DYNC1H1: variants seen among roughly 807,000 people sequenced by gnomAD.
DYNC1H1 encodes the protein dynein cytoplasmic 1 heavy chain 1.
Under a neutral mutation model 527.1 loss-of-function variants are expected in DYNC1H1, and 51 were observed. That is an observed-to-expected ratio of 0.10 (90% CI 0.08 to 0.12). The LOEUF (loss-of-function observed/expected upper bound fraction) is 0.12, where lower values mean the gene tolerates loss of function less well. Among genes scored for constraint, DYNC1H1 ranks in the 10% least tolerant of loss-of-function variants. The probability of loss-of-function intolerance (pLI) is 1.00; values close to 1 mark genes in which losing one functional copy is unlikely to be tolerated. For missense variants in DYNC1H1, 2,771 were observed against 5,971.8 expected, an observed-to-expected ratio of 0.46 and a Z score of 17.66; for synonymous variants, 2,189 against 2,278.8, an observed-to-expected ratio of 0.96 and a Z score of 1.12.
At position 102,002,348 on chromosome 14, in the gene DYNC1H1, T is replaced by G. The variant is rs1022893426; in HGVS notation, c.4543-189T>G. 6.6e-6 allele frequency among the ~76,000 whole-genome samples: 1 copy of G among 151,950 alleles called. No individual in the cohort carries two copies. The highest frequency in any genetic ancestry group is 1.5e-5 in the Non-Finnish European group (1 of 67,990). ...CTGGTCTCAAACTTCTGACTTCAAG[T>G]GATCCACCCGCCTCGGCCTCCCAAA... On this transcript the variant is annotated intron_variant, in intron 21 of 77. Transcript: ENST00000360184. The surrounding 1 kb of genome is among the most constrained non-coding windows in gnomAD (Gnocchi z 4.4).
In DYNC1H1 at chr14:102,041,232, G is replaced by A. The variant is rs1051551101; in HGVS notation, c.11942-342G>A. The A allele has an allele frequency of 1.0e-5, 4 of 396,472 alleles. No individual in the cohort carries two copies. Among genetic ancestry groups the A allele is most frequent in the African/African-American group, 2.1e-5 (1 of 48,556 alleles). The allele number at this position is 396,472 out of a possible 1,614,324, so 24.6% of individuals were successfully genotyped here. On this transcript the variant is annotated intron_variant, in intron 64 of 77. Transcript: ENST00000360184. The surrounding 1 kb of genome is among the most constrained non-coding windows in gnomAD (Gnocchi z 4.5). ...TTAGGCCAGACCCTGGGCTAGCCAG[G>A]CTGAGAGGAAGTGTCAGACTGTGGA...
rs752530701 is a variant in DYNC1H1, at chr14:102,039,576, C to A, written c.11595+30C>A. On this transcript the variant is annotated intron_variant, in intron 61 of 77. Transcript: ENST00000360184. This position sits in a 1 kb window ranked among gnomAD's most constrained non-coding sequence, Gnocchi z 7.0. ...AGTGAGGTCCTCAGCCGCTCCCTGG[C>A]GGGGGGGAAGCAGGGTGCTGCTTCT... 3 of 1,614,106 alleles carry A rather than the reference C, an allele frequency of 1.9e-6. No individual in the cohort carries two copies. The highest frequency in any genetic ancestry group is 2.2e-5 in the East Asian group (1 of 44,882).
intron 29 of DYNC1H1, chr14:102,009,519 T>G (rs76960813): frequency 3.3e-6 from 1 of 303,420 alleles, no homozygotes; most frequent in African/African-American, 2.3e-5. Flanking sequence ...TTTTTTTTTT[T>G]GCACAATTTG....
In DYNC1H1 at chr14:102,038,196, C is replaced by A; in HGVS notation, c.10909-264C>A. On this transcript the variant is annotated intron_variant, in intron 57 of 77. Transcript: ENST00000360184. The surrounding 1 kb of genome is among the most constrained non-coding windows in gnomAD (Gnocchi z 7.2). The stretch of plus-strand genomic sequence containing the variant: ...GTTTCACCATGTTGGCCAGTCTGGT[C>A]TCGAACTCCTGACCTCAAGTGATCT... 1 of 482,028 alleles carries A rather than the reference C, an allele frequency of 2.1e-6. No homozygotes were observed. Among genetic ancestry groups the A allele is most frequent in the Non-Finnish European group, 3.8e-6 (1 of 261,498 alleles). The allele number at this position is 482,028 out of a possible 1,614,324, so 29.9% of individuals were successfully genotyped here. A position where few individuals can be genotyped will look rare whatever the true frequency, so the allele number is the denominator to read the frequency against.
chr14:101,974,839 G>A (rs1426661236), intron 1 of DYNC1H1, among the ~76,000 whole-genome samples: 1 of 152,210 alleles, frequency 6.6e-6, no homozygotes, highest in Non-Finnish European at 1.5e-5. Context: ...GCCTCCGTAA[G>A]CTTTTGAAAG....
At chr14:101,969,449 C>T (rs1847805436) in intron 1 of DYNC1H1, 1 of 153,972 alleles carries the variant, frequency 6.5e-6, no homozygotes, top group African/African-American at 2.4e-5. Flanking sequence ...CTAGTTTCTT[C>T]TAGGGCACCC....
chr14:101,987,361 G>C, intron 8 of DYNC1H1, 92 bp from the exon 9 acceptor site: 4 of 1,376,988 alleles, frequency 2.9e-6, no homozygotes, highest in Non-Finnish European at 4.0e-6. Flanking sequence ...TGGAGCATTT[G>C]TCAATGTATA....
chr14:102,018,620 C>G lies in DYNC1H1; in HGVS notation c.8343+4C>G, dbSNP rs771447934. 1.9e-6 allele frequency: 3 copies of G among 1,613,436 alleles called. No homozygotes were observed. The South Asian group carries it at 3.3e-5, about 18-fold the overall frequency. On this transcript the variant is annotated splice_donor_region_variant and intron_variant, in intron 41 of 77. Transcript: ENST00000360184. The surrounding 1 kb of genome is among the most constrained non-coding windows in gnomAD (Gnocchi z 5.2). ...GGAGTTCTACACCATGTCTCAGGTACGCAGAGTTTCTTTGCTCTTCCAGAA... is the reference window on the plus strand; with the variant it reads ...GGAGTTCTACACCATGTCTCAGGTAGGCAGAGTTTCTTTGCTCTTCCAGAA...
intron 72 of DYNC1H1, 39 bp from the exon 73 acceptor site, chr14:102,047,778 C>T: frequency 6.2e-7 from 1 of 1,611,152 alleles, no homozygotes. Flanking sequence ...TGCCCGTCCC[C>T]TCCCTCCTTC....
chr14:102,007,952 A>T (rs1595612827), intron 28 of DYNC1H1, among the ~76,000 whole-genome samples: 1 of 152,126 alleles, frequency 6.6e-6, no homozygotes, highest in Non-Finnish European at 1.5e-5. Context: ...ATGCAGGGAG[A>T]GCGCTCTGGT....
chr14:101,989,393 G>A (rs943983722), intron 10 of DYNC1H1, among the ~76,000 whole-genome samples: 3 of 152,192 alleles, frequency 2.0e-5, no homozygotes, highest in South Asian at 2.1e-4. Context: ...GCCACCACAC[G>A]GAGTAGTAGT....
intron 56 of DYNC1H1, chr14:102,035,025 T>C (rs1423784751): frequency 2.7e-5 from 5 of 185,878 alleles, no homozygotes; most frequent in Non-Finnish European, 4.5e-5. Context: ...AGTCAGGAGT[T>C]TGAGACCAGC....
Position 102,016,910 on chromosome 14 carries a change from G to A in DYNC1H1, c.7759G>A (p.Glu2587Lys), listed in dbSNP as rs147684971. 6.2e-7 allele frequency: 1 copy of A among 1,614,220 alleles called. No individual in the cohort carries two copies. The change falls in exon 38 of 78, where the codon GAA (glutamate) becomes AAA (lysine). Residue 2587 changes from glutamate (E) to lysine (K), a missense_variant. This residue lies in a region of DYNC1H1 where 71 missense variants were observed against 143.6 expected (regional missense o/e 0.49). Transcript: ENST00000360184. This position sits in a 1 kb window ranked among gnomAD's most constrained non-coding sequence, Gnocchi z 7.3. ...AGCCCTCTTGTACACTTGGCTGGCC[G>A]AACACAAGCCCCTGGTCTTGTGTGG... ...HEALLYTWLA[E>K]HKPLVLCGPP...
chr14:101,990,682 C>G (rs1211561769), intron 10 of DYNC1H1, among the ~76,000 whole-genome samples: 2 of 151,976 alleles, frequency 1.3e-5, no homozygotes, highest in African/African-American at 2.4e-5. Flanking sequence ...TGAGACCAGC[C>G]TGGGCAACAT....
chr14:101,991,088 C>T (rs932889173), intron 10 of DYNC1H1, among the ~76,000 whole-genome samples: 11 of 151,668 alleles, frequency 7.3e-5, no homozygotes, highest in African/African-American at 1.9e-4. Flanking sequence ...GGGGCTGAGG[C>T]GGGAGGATTG....
rs2048326877 is a variant in DYNC1H1, at chr14:102,016,683, T to G, written c.7615-83T>G. 6.4e-7 allele frequency: 1 copy of G among 1,553,378 alleles called. No homozygotes were observed. The highest frequency in any genetic ancestry group is 1.9e-5 in the Admixed American group (1 of 53,400). On this transcript the variant is annotated intron_variant, in intron 37 of 77. Coordinates refer to ENST00000360184, the MANE Select transcript of DYNC1H1 (RefSeq NM_001376.5). This position sits in a 1 kb window ranked among gnomAD's most constrained non-coding sequence, Gnocchi z 7.3. ...ACCAATTACTTCCTTGTTCTGAAAGTTCAAGTTTGTGTTCAGGTAAACAAA... is the reference window on the plus strand; with the variant it reads ...ACCAATTACTTCCTTGTTCTGAAAGGTCAAGTTTGTGTTCAGGTAAACAAA...
At position 102,002,471 on chromosome 14, in the gene DYNC1H1, T is replaced by G; in HGVS notation, c.4543-66T>G. 299 of 1,596,352 alleles carry G rather than the reference T, an allele frequency of 1.9e-4. No individual in the cohort carries two copies. The highest frequency in any genetic ancestry group is 2.4e-4 in the Non-Finnish European group (275 of 1,165,206). ...GAGATCCTGATCTGCGCTTTTTCAG[T>G]GAGTTTTGGCATATCTGTGAGTAGA... On this transcript the variant is annotated intron_variant, in intron 21 of 77. Coordinates refer to ENST00000360184, the MANE Select transcript of DYNC1H1 (RefSeq NM_001376.5). The surrounding 1 kb of genome is among the most constrained non-coding windows in gnomAD (Gnocchi z 4.4).
chr14:102,029,911 A>G lies in DYNC1H1; in HGVS notation c.9735A>G (p.Lys3245=), dbSNP rs1322378389. Residue 3245 remains lysine (K), a synonymous_variant, in exon 50 of 78, where the codon AAA becomes AAG. Coordinates refer to ENST00000360184, the MANE Select transcript of DYNC1H1 (RefSeq NM_001376.5). The surrounding 1 kb of genome is among the most constrained non-coding windows in gnomAD (Gnocchi z 5.3). Reference sequence around the variant, plus strand: ...ATGACAAGCTGAAAAAGATGGTGAAAGACCAGCAGGAGGCTGAAAAGAAGA... The same window carrying G: ...ATGACAAGCTGAAAAAGATGGTGAAGGACCAGCAGGAGGCTGAAAAGAAGA... ...AANDKLKKMV[K]DQQEAEKKKV... is the part of the protein sequence containing the mutation. 6 of 1,614,196 alleles carry G rather than the reference A, an allele frequency of 3.7e-6. No homozygotes were observed. Among genetic ancestry groups the G allele is most frequent in the East Asian group, 2.2e-5 (1 of 44,884 alleles).
At chr14:101,989,114 G>A (rs927454673) in intron 10 of DYNC1H1, among the ~76,000 whole-genome samples, 5 of 152,192 alleles carry the variant, frequency 3.3e-5, no homozygotes, top group Non-Finnish European at 7.3e-5. Flanking sequence ...GAGAAAGCTG[G>A]TGGAGGATAT....
Sources: allele counts gnomAD v4.1 joint callset (sites outside exome capture counted in the v4.1 genomes callset), GRCh38; gene constraint gnomAD v4.1.1; regional missense constraint gnomAD v4.1.1; non-coding constraint Gnocchi (gnomAD v3.1); transcripts MANE v1.5; gene names NCBI Gene and HGNC (gene_info 2026-07-23, HGNC 2026-07-21).